Variants in ATP10A observed in about 807,000 individuals in gnomAD.
The protein encoded by ATP10A is phospholipid-transporting ATPase VA.
A neutral mutation model predicts 147.8 loss-of-function variants in ATP10A; 111 were observed. The observed-to-expected ratio is 0.75, with a 90% CI of 0.64 to 0.88. ATP10A has a LOEUF of 0.88. Among genes scored for constraint, ATP10A ranks in the 40% least tolerant of loss-of-function variants. The pLI is 0.00. For missense variants in ATP10A, 1,927 were observed against 1,959.0 expected (o/e 0.98, Z 0.31); for synonymous variants, 875 against 841.6 (o/e 1.04, Z -0.69).
At chr15:25,830,162 G>A (rs915534444) in intron 1 of ATP10A, among the ~76,000 whole-genome samples, 23 of 152,232 alleles carry the variant, frequency 1.5e-4, no homozygotes, top group Non-Finnish European at 2.5e-4. Context: ...GTGATGTGCC[G>A]CTGCCAGCAC....
At chr15:25,839,086 G>A (rs1717699569) in intron 1 of ATP10A, among the ~76,000 whole-genome samples, 1 of 152,138 alleles carries the variant, frequency 6.6e-6, no homozygotes, top group Admixed American at 6.5e-5. Context: ...TTAACAGCGG[G>A]CTTGTATCCA....
intron 2 of ATP10A, among the ~76,000 whole-genome samples, chr15:25,759,801 C>CAAA (rs147509751): frequency 2.2e-5 from 3 of 138,100 alleles, no homozygotes; most frequent in South Asian, 2.3e-4. Flanking sequence ...GACCCTGTCT[C>CAAA]AAAAAAAAAA....
At chr15:25,784,837 G>T (rs192298865) in intron 1 of ATP10A, among the ~76,000 whole-genome samples, 1 of 151,918 alleles carries the variant, frequency 6.6e-6, no homozygotes, top group Non-Finnish European at 1.5e-5. Context: ...CAGGAGAATC[G>T]CTTGAACCCG....
intron 15 of ATP10A, among the ~76,000 whole-genome samples, chr15:25,689,032 C>A (rs1399888942): frequency 6.6e-6 from 1 of 152,226 alleles, no homozygotes; most frequent in Non-Finnish European, 1.5e-5. Flanking sequence ...TCAAAAGGGA[C>A]CAGTGTTAAA....
chr15:25,852,833 A>G (rs1231892567), intron 1 of ATP10A, among the ~76,000 whole-genome samples: 1 of 152,156 alleles, frequency 6.6e-6, no homozygotes, highest in African/African-American at 2.4e-5. Flanking sequence ...CTTGAGAAGG[A>G]GGGTATATAA....
At chr15:25,727,035 C>T (rs28405373) in intron 4 of ATP10A, 125 bp downstream of exon 4, 34,267 of 653,102 alleles carry the variant, frequency 0.052, 2,925 homozygotes, top group East Asian at 0.23. Flanking sequence ...CCAGCCTGGG[C>T]GACAGTGCGA....
intron 1 of ATP10A, among the ~76,000 whole-genome samples, chr15:25,858,514 G>A (rs569703533): frequency 6.6e-6 from 1 of 152,302 alleles, no homozygotes; most frequent in South Asian, 2.1e-4. Flanking sequence ...ACTTTGTTGA[G>A]TGAGAAGCTC....
At chr15:25,781,271 G>A in intron 1 of ATP10A, 48 bp from the exon 2 acceptor site, 1 of 1,525,434 alleles carries the variant, frequency 6.6e-7, no homozygotes, top group Non-Finnish European at 8.9e-7. Context: ...ATTGGTCGTG[G>A]CTGGATCTGG....
rs1567306445 is a variant in ATP10A at position 25,694,949 on chromosome 15, G to A, written c.2958C>T (p.Asn986=). Residue 986 remains asparagine, a synonymous_variant, in exon 14 of 21, where the codon AAC becomes AAT. Transcript: ENST00000555815. ...CAAGGAAGAGGAATTTGTCCTCCAG[G>A]TTTTTCTCGAGAGCGTAGGCCAGGC... ...GRSLAYALEK[N]LEDKFLFLAK... is the part of the protein sequence containing the mutation. 1.9e-6 allele frequency: 3 copies of A among 1,614,202 alleles called. No individual in the cohort carries two copies. Among genetic ancestry groups the A allele is most frequent in the East Asian group, 2.2e-5 (1 of 44,874 alleles).
intron 1 of ATP10A, among the ~76,000 whole-genome samples, chr15:25,822,594 A>G (rs1031911142): frequency 5.3e-5 from 8 of 152,202 alleles, no homozygotes; most frequent in African/African-American, 1.9e-4. Context: ...AAATTGACAC[A>G]ATGAGCTTCT....
Position 25,687,743 on chromosome 15 carries a change from C to A in ATP10A, c.3251G>T (p.Arg1084Leu). Residue 1084 changes from arginine to leucine, a missense_variant, in exon 16 of 21, where the codon CGA (arginine) becomes CTA (leucine). Transcript: ENST00000555815. ...GAAGTACAGCACCATGTTGGCAAGT[C>A]GGGAGTAGCACCAATGCCCGTGAAG... ...LILHGHWCYS[R>L]LANMVLYFFY... 1 of 1,610,916 alleles carries A rather than the reference C, an allele frequency of 6.2e-7. No homozygotes were observed. The highest frequency in any genetic ancestry group is 1.1e-5 in the South Asian group (1 of 90,754).
chr15:25,790,070 C>T (rs1229246368), intron 1 of ATP10A, among the ~76,000 whole-genome samples: 2 of 152,122 alleles, frequency 1.3e-5, no homozygotes, highest in African/African-American at 2.4e-5. Context: ...TGGCAAAATC[C>T]GCAGTGGGAA....
intron 2 of ATP10A, among the ~76,000 whole-genome samples, chr15:25,748,054 C>T (rs1887940335): frequency 6.6e-6 from 1 of 152,062 alleles, no homozygotes; most frequent in Non-Finnish European, 1.5e-5. Flanking sequence ...GCTCTGCCTC[C>T]CGGGTTCATG....
At chr15:25,675,165 G>T (rs1406533932), downstream of ATP10A, among the ~76,000 whole-genome samples, 1 of 152,156 alleles carries the variant, frequency 6.6e-6, no homozygotes, top group South Asian at 2.1e-4. Context: ...GCCTGGGCCT[G>T]GCTCAGAAGG....
Position 25,690,240 on chromosome 15 carries a change from TAAAA to T in ATP10A, c.3165+1471_3165+1474del, listed in dbSNP as rs35580193. Among the ~76,000 whole-genome samples the T allele has an allele frequency of 2.8e-3, 265 of 94,048 alleles. 1 individual carries two copies. In the Middle Eastern group the frequency reaches 0.035, roughly 12 times the overall value. The allele number at this position is 94,048 out of a possible 152,430, so 61.7% of individuals were successfully genotyped here. On this transcript the variant is annotated intron_variant, in intron 15 of 20. Transcript: ENST00000555815. ...TTCCTTAATTTTTTTTCCTTTTTTTTAAAAAAAAAAAAAAAAAAAGAGAGACTGG... is the reference window on the plus strand; with the variant it reads ...TTCCTTAATTTTTTTTCCTTTTTTTTAAAAAAAAAAAAAAAGAGAGACTGG...
At chr15:25,728,824 G>A (rs189321462) in intron 3 of ATP10A, among the ~76,000 whole-genome samples, 42 of 152,256 alleles carry the variant, frequency 2.8e-4, no homozygotes, top group Admixed American at 9.2e-4. Context: ...CAGGTGCATC[G>A]ACCTATACAG....
At chr15:25,759,073 A>T (rs1888610361) in intron 2 of ATP10A, among the ~76,000 whole-genome samples, 1 of 152,246 alleles carries the variant, frequency 6.6e-6, no homozygotes, top group African/African-American at 2.4e-5. Context: ...CACGTGCGTC[A>T]GGGATAAGAA....
At chr15:25,727,096 G>T in intron 4 of ATP10A, 64 bp downstream of exon 4, 6 of 1,133,546 alleles carry the variant, frequency 5.3e-6, no homozygotes, top group Middle Eastern at 2.0e-4. Context: ...AGAAAACAGT[G>T]AGGGGAAGTG....
At chr15:25,766,904 A>T (rs1889052314) in intron 2 of ATP10A, among the ~76,000 whole-genome samples, 2 of 130,540 alleles carry the variant, frequency 1.5e-5, no homozygotes, top group Admixed American at 7.3e-5. Context: ...AACTGTTTCT[A>T]AAAAAAAAAA....
Sources: gnomAD v4.1 joint callset for allele counts (sites outside exome capture counted in the v4.1 genomes callset) on GRCh38, gnomAD v4.1.1 for gene constraint, MANE v1.5 for transcripts, NCBI Gene and HGNC (gene_info 2026-07-23, HGNC 2026-07-21) for gene names.